CENPO: variants seen among roughly 807,000 people sequenced by gnomAD.
The protein encoded by CENPO is centromere protein O, also known as centromeric protein O.
A neutral mutation model predicts 36.1 loss-of-function variants in CENPO; 30 were observed. The ratio of observed to expected loss-of-function variants is 0.83; its 90% CI spans 0.62 to 1.13. CENPO has a LOEUF of 1.13. Among genes scored for constraint, CENPO ranks in the 50% most tolerant of loss-of-function variants. The probability of loss-of-function intolerance (pLI) is 0.00; values close to 1 mark genes in which losing one functional copy is unlikely to be tolerated. For synonymous variants in CENPO, 171 were observed against 142.3 expected (o/e 1.20, Z -1.44); for missense variants, 349 against 357.8 (o/e 0.98, Z 0.20).
At chr2:24,803,344 T>C (rs1234770195) in intron 3 of CENPO, among the ~76,000 whole-genome samples, 1 of 152,134 alleles carries the variant, frequency 6.6e-6, no homozygotes, top group East Asian at 1.9e-4. Flanking sequence ...TCTGCTCTGA[T>C]CTTAGTTATT....
chr2:24,809,723 T>A (rs935097944), intron 3 of CENPO, among the ~76,000 whole-genome samples: 7 of 152,206 alleles, frequency 4.6e-5, no homozygotes, highest in African/African-American at 2.4e-5. Context: ...GTTTTTTTTT[T>A]AAGTTACTAA....
rs1667689843 is a variant in CENPO, at chr2:24,821,407, C to T, written c.*2089C>T. 6.7e-7 allele frequency: 1 copy of T among 1,481,996 alleles called. No homozygotes were observed. Among genetic ancestry groups the T allele is most frequent in the Non-Finnish European group, 9.1e-7 (1 of 1,096,538 alleles). The allele number at this position is 1,481,996 out of a possible 1,614,324, so 91.8% of individuals were successfully genotyped here. On this transcript the variant is annotated 3_prime_UTR_variant, in exon 8 of 8. Transcript: ENST00000380834. ...TTGCCCTGTGAGTGCGTGAACCTCCCCACCCGAATTGCCTCAGTTGTCCTG... is the reference window on the plus strand; with the variant it reads ...TTGCCCTGTGAGTGCGTGAACCTCCTCACCCGAATTGCCTCAGTTGTCCTG...
At chr2:24,794,259 A>G (rs886881383) in intron 2 of CENPO, among the ~76,000 whole-genome samples, 6 of 151,976 alleles carry the variant, frequency 3.9e-5, no homozygotes, top group Non-Finnish European at 5.9e-5. Flanking sequence ...CTCTCCCCGG[A>G]TTTTTTGGGC....
At chr2:24,810,108 A>G (rs962750456) in intron 3 of CENPO, among the ~76,000 whole-genome samples, 1 of 152,042 alleles carries the variant, frequency 6.6e-6, no homozygotes, top group African/African-American at 2.4e-5. Flanking sequence ...TATTACTGAA[A>G]TAGATTTTTT....
At position 24,793,427 on chromosome 2, in the gene CENPO, G is replaced by C. The variant is rs941186429; in HGVS notation, c.-143G>C. The C allele has an allele frequency of 6.2e-7, 1 of 1,606,534 alleles. No homozygotes were observed. The highest frequency in any genetic ancestry group is 1.3e-5 in the African/African-American group (1 of 74,850). ...GCGCCGCCATGCTTTTGTACGGCAG[G>C]ATCGCAAAGCACGCCGGGACCGGTT... On this transcript the variant is annotated 5_prime_UTR_variant, in exon 1 of 8. Transcript: ENST00000380834.
intron 2 of CENPO, among the ~76,000 whole-genome samples, chr2:24,794,862 A>G: frequency 6.6e-6 from 1 of 152,212 alleles, no homozygotes. Context: ...ACTTTGGGAA[A>G]GCTTGCCATA....
rs1666085624 is a variant in CENPO at position 24,799,862 on chromosome 2, A to G, written c.216+18A>G. ...GAGCCAGCGTGAGTAGAAGGGTGGTATCAGCAGTTCCTTTAGAGTATAATG... is the reference window on the plus strand; with the variant it reads ...GAGCCAGCGTGAGTAGAAGGGTGGTGTCAGCAGTTCCTTTAGAGTATAATG... On this transcript the variant is annotated intron_variant, in intron 3 of 7. Transcript: ENST00000380834. 3.7e-6 allele frequency: 6 copies of G among 1,611,722 alleles called. No individual in the cohort carries two copies. The highest frequency in any genetic ancestry group is 1.7e-6 in the Non-Finnish European group (2 of 1,179,584).
Position 24,821,494 on chromosome 2 carries a change from G to A in CENPO, c.*2176G>A. 1 of 1,612,522 alleles carries A rather than the reference G, an allele frequency of 6.2e-7. No individual in the cohort carries two copies. Among genetic ancestry groups the A allele is most frequent in the Non-Finnish European group, 8.5e-7 (1 of 1,179,142 alleles). On this transcript the variant is annotated 3_prime_UTR_variant, in exon 8 of 8. Transcript: ENST00000380834. ...GCATGGGAAGGGAGCCTGCTGCGGGGCAGGCCAGCTGGGGGTGCTCACCTA... is the reference window on the plus strand; with the variant it reads ...GCATGGGAAGGGAGCCTGCTGCGGGACAGGCCAGCTGGGGGTGCTCACCTA...
chr2:24,805,311 G>T (rs1666348811), intron 3 of CENPO, among the ~76,000 whole-genome samples: 2 of 150,568 alleles, frequency 1.3e-5, no homozygotes, highest in South Asian at 4.2e-4. Context: ...GTCTGAAGCT[G>T]TCTTCTCTCA....
chr2:24,815,606 C>A lies in CENPO; in HGVS notation c.444C>A (p.Leu148=). The change falls in exon 5 of 8, where the codon CTC becomes CTA. Residue 148 remains leucine (L), a synonymous_variant. Coordinates refer to ENST00000380834, the MANE Select transcript of CENPO (RefSeq NM_001322101.2). The part of the protein sequence containing the change: ...YFVDLVIQKP[L]RIHHHSVPVF... ...TGGACCTTGTCATACAGAAACCACT[C>A]CGGATACATCACCATTCAGTCCCAG... 1.2e-6 allele frequency: 2 copies of A among 1,614,106 alleles called. No homozygotes were observed. The highest frequency in any genetic ancestry group is 1.7e-6 in the Non-Finnish European group (2 of 1,179,964).
rs1667754409 is a variant in CENPO at position 24,821,760 on chromosome 2, C to G, written c.*2442C>G. On this transcript the variant is annotated 3_prime_UTR_variant, in exon 8 of 8. Coordinates refer to ENST00000380834, the MANE Select transcript of CENPO (RefSeq NM_001322101.2). ...CTACACCTAGATGTTCAAGGCCTTA[C>G]TTTTCCTCCCACAAAGGAGTCGCAG... The G allele has an allele frequency of 2.1e-6, 3 of 1,434,860 alleles. No homozygotes were observed. The Admixed American group carries it at 6.7e-5, about 32-fold the overall frequency. The allele number at this position is 1,434,860 out of a possible 1,614,324, so 88.9% of individuals were successfully genotyped here. A position where few individuals can be genotyped will look rare whatever the true frequency, so the allele number is the denominator to read the frequency against.
chr2:24,820,231 G>T lies in CENPO; in HGVS notation c.*913G>T. The T allele has an allele frequency of 8.2e-7, 1 of 1,214,082 alleles. No homozygotes were observed. Among genetic ancestry groups the T allele is most frequent in the Non-Finnish European group, 1.1e-6 (1 of 904,700 alleles). The allele number at this position is 1,214,082 out of a possible 1,614,324, so 75.2% of individuals were successfully genotyped here. A position where few individuals can be genotyped will look rare whatever the true frequency, so the allele number is the denominator to read the frequency against. ...GATCCATGGGTCCCAAGCAGTACGG[G>T]ACACTCCCCAAACCTCCCAGGGCCA... On this transcript the variant is annotated 3_prime_UTR_variant, in exon 8 of 8. Transcript: ENST00000380834.
chr2:24,795,359 A>T (rs1441023443), intron 2 of CENPO, among the ~76,000 whole-genome samples: 1 of 152,204 alleles, frequency 6.6e-6, no homozygotes, highest in Non-Finnish European at 1.5e-5. Flanking sequence ...CAACCAGATG[A>T]TTTATTCAAA....
Position 24,817,843 on chromosome 2 carries a change from TA to T in CENPO, c.*35+4del, listed in dbSNP as rs775289158. 1.2e-5 allele frequency: 20 copies of T among 1,612,866 alleles called. No homozygotes were observed. In the East Asian group the frequency reaches 4.5e-4, roughly 36 times the overall value. On this transcript the variant is annotated splice_donor_region_variant and intron_variant, in intron 7 of 7. Transcript: ENST00000380834. ...CACTGCACTGGGAGCACATCAGAGG[TA>T]AGTAACCAGTACTGAAGACAGTACC...
chr2:24,794,832 C>T (rs555658315), intron 2 of CENPO, among the ~76,000 whole-genome samples: 13 of 152,314 alleles, frequency 8.5e-5, no homozygotes, highest in African/African-American at 3.1e-4. Context: ...ATGCCTAAAT[C>T]CAAAGGGTTC....
At chr2:24,801,924 G>A (rs1022640283) in intron 3 of CENPO, among the ~76,000 whole-genome samples, 1 of 152,134 alleles carries the variant, frequency 6.6e-6, no homozygotes, top group African/African-American at 2.4e-5. Context: ...GGGCAGTATG[G>A]CCATTTTCAC....
chr2:24,807,027 C>A (rs1391695238), intron 3 of CENPO, among the ~76,000 whole-genome samples: 2 of 152,292 alleles, frequency 1.3e-5, no homozygotes, highest in East Asian at 1.9e-4. Flanking sequence ...AAATCCTGCA[C>A]AGCCAAGAAA....
At position 24,817,692 on chromosome 2, in the gene CENPO, A is replaced by G; in HGVS notation, c.789A>G (p.Ser263=). ...TAGGAGTGGAAGTATTATCCACTTC[A>G]TGGGAGGAGCAACGAGCATCTCATG... ...TCQGVEVLST[S]WEEQRASHET... Residue 263 remains serine (S), a synonymous_variant, in exon 7 of 8, where the codon TCA becomes TCG. Transcript: ENST00000380834. 6.2e-7 allele frequency: 1 copy of G among 1,614,228 alleles called. No homozygotes were observed. The highest frequency in any genetic ancestry group is 8.5e-7 in the Non-Finnish European group (1 of 1,180,046).
chr2:24,815,845 C>T (rs941815101), intron 5 of CENPO, 89 bp downstream of exon 5: 15 of 1,268,146 alleles, frequency 1.2e-5, no homozygotes, highest in African/African-American at 3.0e-5. Context: ...TGTTTCCTAA[C>T]TGTGAGTTAG....
Sources: gnomAD v4.1 joint callset for allele counts (sites outside exome capture counted in the v4.1 genomes callset) on GRCh38, gnomAD v4.1.1 for gene constraint, MANE v1.5 for transcripts, NCBI Gene and HGNC (gene_info 2026-07-23, HGNC 2026-07-21) for gene names.